KCNMA1: variants seen among roughly 807,000 people sequenced by gnomAD.
KCNMA1 encodes potassium calcium-activated channel subfamily M alpha 1.
Under a neutral mutation model 140.0 loss-of-function variants are expected in KCNMA1, and 29 were observed. That is an observed-to-expected ratio of 0.21 (90% confidence interval 0.15 to 0.28). The LOEUF (loss-of-function observed/expected upper bound fraction) is 0.28, where lower values mean the gene tolerates loss of function less well. KCNMA1 is among the 10% of genes least tolerant of loss of function. The probability of loss-of-function intolerance (pLI) is 1.00; values close to 1 mark genes in which losing one functional copy is unlikely to be tolerated. For synonymous variants in KCNMA1, 612 were observed against 611.9 expected (o/e 1.00, Z 0.00); for missense variants, 880 against 1,602.2 (o/e 0.55, Z 7.70).
Position 77,204,289 on chromosome 10 carries a change from G to A in KCNMA1, c.603-19373C>T, listed in dbSNP as rs1380710700. On this transcript the variant is annotated intron_variant, in intron 3 of 27. Transcript: ENST00000286628. ...AAGAAGAAGAATGGGAATGACCTTGGAGGTAACAAGATTCACCACTCAGCA... is the reference window on the plus strand; with the variant it reads ...AAGAAGAAGAATGGGAATGACCTTGAAGGTAACAAGATTCACCACTCAGCA... Among the ~76,000 whole-genome samples the A allele has an allele frequency of 2.6e-5, 4 of 151,980 alleles. No homozygotes were observed. In the South Asian group the frequency reaches 6.2e-4, roughly 24 times the overall value.
At chr10:77,565,058 G>A (rs2067721210) in intron 1 of KCNMA1, among the ~76,000 whole-genome samples, 2 of 152,194 alleles carry the variant, frequency 1.3e-5, no homozygotes, top group Non-Finnish European at 1.5e-5. Context: ...CGGCCAAATC[G>A]CCCTCTGGGA....
At chr10:77,025,185 A>C (rs1156585988) in intron 16 of KCNMA1, among the ~76,000 whole-genome samples, 1 of 147,510 alleles carries the variant, frequency 6.8e-6, no homozygotes, top group Non-Finnish European at 1.5e-5. Context: ...CAAATCAAAC[A>C]GGAACAGAAA....
chr10:77,382,159 G>A (rs1013969561), intron 2 of KCNMA1, among the ~76,000 whole-genome samples: 2 of 151,998 alleles, frequency 1.3e-5, no homozygotes, highest in Admixed American at 6.6e-5. Flanking sequence ...TAATTTCTCT[G>A]CACCACCGAG....
chr10:77,450,769 C>T lies in KCNMA1; in HGVS notation c.379-46746G>A, dbSNP rs146867116. Among the ~76,000 whole-genome samples, 448 of 152,270 alleles carry T rather than the reference C, an allele frequency of 2.9e-3. 2 individuals are homozygous for T. The highest frequency in any genetic ancestry group is 0.01 in the African/African-American group (424 of 41,558). ...CCATGAGACTCATTCCAGGAGGTTA[C>T]CAAAGTAGTAGACCTGAAATGGTTT... On this transcript the variant is annotated intron_variant, in intron 1 of 27. Transcript: ENST00000286628.
At chr10:77,246,534 A>C (rs1003568132) in intron 3 of KCNMA1, among the ~76,000 whole-genome samples, 1 of 152,182 alleles carries the variant, frequency 6.6e-6, no homozygotes, top group Non-Finnish European at 1.5e-5. Flanking sequence ...GGGCAACTAA[A>C]CCAGTTCTGC....
chr10:77,365,493 C>T (rs2094289846), intron 2 of KCNMA1, among the ~76,000 whole-genome samples: 1 of 152,206 alleles, frequency 6.6e-6, no homozygotes, highest in Admixed American at 6.5e-5. Flanking sequence ...CTCTCATGCA[C>T]AATCTTCTTT....
chr10:77,463,246 A>G (rs2097912230), intron 1 of KCNMA1, among the ~76,000 whole-genome samples: 1 of 151,988 alleles, frequency 6.6e-6, no homozygotes, highest in Non-Finnish European at 1.5e-5. Context: ...GATACCACCC[A>G]CCATCATTTG....
At chr10:77,272,792 G>A (rs941058195) in intron 2 of KCNMA1, among the ~76,000 whole-genome samples, 14 of 152,118 alleles carry the variant, frequency 9.2e-5, no homozygotes, top group African/African-American at 3.1e-4. Context: ...TTAATTATAT[G>A]GCAGTGTTTC....
At chr10:76,999,570 G>A (rs1243804334) in intron 19 of KCNMA1, among the ~76,000 whole-genome samples, 3 of 152,122 alleles carry the variant, frequency 2.0e-5, no homozygotes. Context: ...GCTGCACATC[G>A]TAGACAGACA....
chr10:77,386,385 T>C (rs2095603955), intron 2 of KCNMA1, among the ~76,000 whole-genome samples: 1 of 152,202 alleles, frequency 6.6e-6, no homozygotes, highest in Non-Finnish European at 1.5e-5. Flanking sequence ...CCCATTATGC[T>C]GGAAGGGGAA....
At chr10:77,413,292 G>A (rs538182494) in intron 1 of KCNMA1, among the ~76,000 whole-genome samples, 46 of 152,156 alleles carry the variant, frequency 3.0e-4, no homozygotes, top group South Asian at 2.1e-4. Flanking sequence ...GTCCCTCCCC[G>A]CGGGCTGCTC....
At chr10:77,385,538 T>G (rs1173670337) in intron 2 of KCNMA1, among the ~76,000 whole-genome samples, 2 of 152,246 alleles carry the variant, frequency 1.3e-5, no homozygotes, top group Non-Finnish European at 2.9e-5. Context: ...ACTCAGCCAG[T>G]CTGGCTCTAT....
At chr10:77,171,400 CGTGT>C (rs60927086) in intron 5 of KCNMA1, among the ~76,000 whole-genome samples, 8,438 of 128,914 alleles carry the variant, frequency 0.065, 248 homozygotes, top group Non-Finnish European at 0.08. Context: ...TGTGTGTGTG[CGTGT>C]GTGTGTGTGT....
At chr10:77,440,156 C>T (rs2097365516) in intron 1 of KCNMA1, among the ~76,000 whole-genome samples, 1 of 152,176 alleles carries the variant, frequency 6.6e-6, no homozygotes, top group African/African-American at 2.4e-5. Context: ...GGAAAAAAAA[C>T]AAGCAAATTC....
chr10:77,427,720 CATTTATTTATTTATTTATTT>C (rs771995453), intron 1 of KCNMA1, among the ~76,000 whole-genome samples: 1 of 68,006 alleles, frequency 1.5e-5, no homozygotes, highest in Admixed American at 1.6e-4. Flanking sequence ...TCCATCCATT[CATTTATTTATTTATTTATTT>C]ATTTATTTAT....
chr10:77,068,698 TTGTGTGTGTG>T (rs199660003), intron 14 of KCNMA1, among the ~76,000 whole-genome samples: 7 of 132,570 alleles, frequency 5.3e-5, no homozygotes, highest in East Asian at 2.4e-4. Flanking sequence ...GTTCCAGGTT[TTGTGTGTGTG>T]TGTGTGTGTG....
chr10:77,636,831 G>A lies in KCNMA1; in HGVS notation c.378+434C>T, dbSNP rs1603639294. ...ACAGGTTCCTAAAGTATGGGCGGATGTGCTCCCTCTCGCCCACCGCCAGGA... is the reference window on the plus strand; with the variant it reads ...ACAGGTTCCTAAAGTATGGGCGGATATGCTCCCTCTCGCCCACCGCCAGGA... On this transcript the variant is annotated intron_variant, in intron 1 of 27. Coordinates refer to ENST00000286628, the MANE Select transcript of KCNMA1 (RefSeq NM_001161352.2). The A allele has an allele frequency of 1.4e-6, 2 of 1,435,190 alleles. 1 individual carries two copies. The highest frequency in any genetic ancestry group is 2.9e-5 in the African/African-American group (2 of 69,758). 88.9% of individuals were successfully genotyped at this position (1,435,190 alleles called of 1,614,324 possible).
intron 2 of KCNMA1, among the ~76,000 whole-genome samples, chr10:77,385,509 A>G (rs1004057354): frequency 6.6e-6 from 1 of 152,258 alleles, no homozygotes; most frequent in African/African-American, 2.4e-5. Context: ...ACACTAGTAC[A>G]TGGCAGAACA....
At chr10:77,567,961 C>T (rs572651063) in intron 1 of KCNMA1, among the ~76,000 whole-genome samples, 23 of 152,082 alleles carry the variant, frequency 1.5e-4, no homozygotes, top group Non-Finnish European at 2.9e-4. Context: ...GTGTGCTCTA[C>T]GCAAATAAAC....
Sources: gnomAD v4.1 joint callset for allele counts (sites outside exome capture counted in the v4.1 genomes callset) on GRCh38, gnomAD v4.1.1 for gene constraint, MANE v1.5 for transcripts, NCBI Gene and HGNC (gene_info 2026-07-23, HGNC 2026-07-21) for gene names.